Variants in CYREN observed in about 807,000 individuals in gnomAD.
CYREN encodes the protein cell cycle regulator of non-homologous end joining.
Under a neutral mutation model 9.7 loss-of-function variants are expected in CYREN, and 7 were observed. That is an observed-to-expected ratio of 0.72 (90% CI 0.41 to 1.36). The LOEUF is 1.36. CYREN is among the 40% of genes most tolerant of loss of function. CYREN has a pLI of 0.01. For missense variants in CYREN, 215 were observed against 198.1 expected, an observed-to-expected ratio of 1.09 and a Z score of -0.51; for synonymous variants, 76 against 77.9, an observed-to-expected ratio of 0.98 and a Z score of 0.13.
intron 2 of CYREN, among the ~76,000 whole-genome samples, chr7:135,098,225 T>A (rs1444845949): frequency 6.6e-6 from 1 of 152,172 alleles, no homozygotes; most frequent in East Asian, 1.9e-4. Flanking sequence ...TCCCTTTGTA[T>A]CATGGAGGAT....
At chr7:135,139,307 G>T (rs1829410558) in intron 2 of CYREN, among the ~76,000 whole-genome samples, 1 of 151,668 alleles carries the variant, frequency 6.6e-6, no homozygotes, top group African/African-American at 2.4e-5. Context: ...ATCTCATTGT[G>T]ATTTTGATTT....
chr7:135,128,477 T>G, intron 2 of CYREN: 1 of 750,802 alleles, frequency 1.3e-6, no homozygotes. Flanking sequence ...GAGGATGAAT[T>G]GCTGGCCCCA....
chr7:135,160,436 C>T (rs2117457753), intron 2 of CYREN, among the ~76,000 whole-genome samples: 1 of 152,282 alleles, frequency 6.6e-6, no homozygotes, highest in South Asian at 2.1e-4. Context: ...CCAGGGAAGG[C>T]CCATGGGGAA....
intron 2 of CYREN, among the ~76,000 whole-genome samples, chr7:135,125,290 T>C (rs1222257972): frequency 6.6e-6 from 1 of 151,556 alleles, no homozygotes; most frequent in East Asian, 1.9e-4. Flanking sequence ...AACTAGAAAA[T>C]CTAGAAGAAA....
chr7:135,134,154 A>T (rs1005450074), intron 2 of CYREN, among the ~76,000 whole-genome samples: 1 of 152,148 alleles, frequency 6.6e-6, no homozygotes, highest in Non-Finnish European at 1.5e-5. Flanking sequence ...ATCAATGTCA[A>T]TATCCTGATT....
intron 2 of CYREN, among the ~76,000 whole-genome samples, chr7:135,131,211 G>A (rs975072350): frequency 1.3e-5 from 2 of 152,066 alleles, no homozygotes; most frequent in African/African-American, 2.4e-5. Context: ...CTTAATACAG[G>A]AACAGAAAAC....
intron 2 of CYREN, among the ~76,000 whole-genome samples, chr7:135,155,141 A>G (rs891626248): frequency 6.6e-6 from 1 of 152,228 alleles, no homozygotes; most frequent in Non-Finnish European, 1.5e-5. Flanking sequence ...TTTATCAGAT[A>G]TAAGTATAGC....
exon 3 of CYREN, chr7:135,093,821 T>C (rs1231516243): frequency 2.6e-5 from 4 of 152,150 alleles, no homozygotes; most frequent in Non-Finnish European, 5.9e-5. Flanking sequence ...AAGAACAATG[T>C]TTAAGGATTC....
chr7:135,168,702 AGGCTGGAAGACCT>A, intron 2 of CYREN, 71 bp downstream of exon 2: 1 of 1,541,206 alleles, frequency 6.5e-7, no homozygotes. Context: ...TGTTCTGCCT[AGGCTGGAAGACCT>A]GGCCCAGGTC....
At chr7:135,135,232 T>C (rs1231387211) in intron 2 of CYREN, 1 of 1,531,748 alleles carries the variant, frequency 6.5e-7, no homozygotes, top group Non-Finnish European at 8.8e-7. Context: ...ACAACCCACC[T>C]TATATCTGAA....
chr7:135,165,078 T>C, downstream of CYREN: 2 of 1,469,974 alleles, frequency 1.4e-6, no homozygotes, highest in Non-Finnish European at 1.8e-6. Flanking sequence ...ATTTTACAGC[T>C]AACGCTGATC....
intron 2 of CYREN, among the ~76,000 whole-genome samples, chr7:135,146,500 T>G (rs1198304178): frequency 6.6e-6 from 1 of 152,140 alleles, no homozygotes; most frequent in Admixed American, 6.6e-5. Flanking sequence ...AATCCTCAAT[T>G]TGTAAAAGAT....
chr7:135,158,038 G>A (rs1317096078), intron 2 of CYREN, among the ~76,000 whole-genome samples: 2 of 152,000 alleles, frequency 1.3e-5, no homozygotes, highest in Admixed American at 6.5e-5. Context: ...CTAGGTATGT[G>A]CGGGAGAGCA....
intron 2 of CYREN, among the ~76,000 whole-genome samples, chr7:135,132,376 A>G (rs996645213): frequency 1.2e-4 from 19 of 152,244 alleles, no homozygotes; most frequent in African/African-American, 4.3e-4. Flanking sequence ...AAAGTAATTG[A>G]TGAAATCCTT....
intron 2 of CYREN, chr7:135,101,300 T>G: frequency 2.2e-6 from 1 of 455,016 alleles, no homozygotes; most frequent in Non-Finnish European, 4.4e-6. Flanking sequence ...TTTTATTGTT[T>G]AAGATTTTCA....
At chr7:135,135,061 C>T in intron 2 of CYREN, 1 of 1,551,228 alleles carries the variant, frequency 6.4e-7, no homozygotes, top group Non-Finnish European at 8.7e-7. Context: ...CATAAAACCT[C>T]TCAGCAGCAA....
In CYREN at chr7:135,151,274, C is replaced by A. The variant is rs1009288368; in HGVS notation, n.356+17475G>T. Among the ~76,000 whole-genome samples the A allele has an allele frequency of 2.0e-5, 3 of 152,202 alleles. No individual in the cohort carries two copies. Among genetic ancestry groups the A allele is most frequent in the African/African-American group, 7.2e-5 (3 of 41,450 alleles). ...ACACTGTTGAAAAACACTGCAGTAG[C>A]CCTGTTTTGAAAAGAATTAGAACCT... On this transcript the variant is annotated intron_variant and non_coding_transcript_variant, in intron 2 of 2. Transcript: ENST00000459937. The surrounding 1 kb of genome is among the most constrained non-coding windows in gnomAD (Gnocchi z 4.3).
downstream of CYREN, among the ~76,000 whole-genome samples, chr7:135,164,262 G>A (rs1830023110): frequency 6.6e-6 from 1 of 152,198 alleles, no homozygotes; most frequent in Non-Finnish European, 1.5e-5. Context: ...GGTCCTGGCA[G>A]GAGGTTACCT....
intron 2 of CYREN, among the ~76,000 whole-genome samples, chr7:135,124,310 C>T (rs1827559148): frequency 6.6e-6 from 1 of 151,748 alleles, no homozygotes; most frequent in South Asian, 2.1e-4. Context: ...AAGGGTATTA[C>T]ATAATGGTAA....
Sources: allele counts gnomAD v4.1 joint callset (sites outside exome capture counted in the v4.1 genomes callset), GRCh38; gene constraint gnomAD v4.1.1; non-coding constraint Gnocchi (gnomAD v3.1); transcripts MANE v1.5; gene names NCBI Gene and HGNC (gene_info 2026-07-23, HGNC 2026-07-21).